PCDHGA2: variants seen among roughly 807,000 people sequenced by gnomAD.
PCDHGA2 encodes the protein protocadherin gamma subfamily A, 2, also known as protocadherin gamma-A2.
PCDHGA2 carries 40 observed loss-of-function variants against 59.2 expected under a neutral mutation model. The observed-to-expected ratio is 0.68, with a 90% confidence interval of 0.52 to 0.88. PCDHGA2 has a LOEUF of 0.88. Among genes scored for constraint, PCDHGA2 ranks in the 40% least tolerant of loss-of-function variants. The probability of loss-of-function intolerance (pLI) is 0.00; values close to 1 mark genes in which losing one functional copy is unlikely to be tolerated. For missense variants in PCDHGA2, 1,226 were observed against 1,204.0 expected, an observed-to-expected ratio of 1.02 and a Z score of -0.27; for synonymous variants, 560 against 526.0, an observed-to-expected ratio of 1.06 and a Z score of -0.89.
At chr5:141,430,811 A>G (rs1193066300) in intron 1 of PCDHGA2, 1 of 1,527,400 alleles carries the variant, frequency 6.5e-7, no homozygotes. Flanking sequence ...CCTGCTGGGA[A>G]TCCTCCTGGG....
At chr5:141,375,102 T>C (rs1185155280) in intron 1 of PCDHGA2, 3 of 1,613,868 alleles carry the variant, frequency 1.9e-6, no homozygotes, top group Non-Finnish European at 2.5e-6. Flanking sequence ...ATCTTGGATG[T>C]CAATGATAAT....
chr5:141,495,069 T>G (rs1179878936), intron 2 of PCDHGA2, among the ~76,000 whole-genome samples: 1 of 152,142 alleles, frequency 6.6e-6, no homozygotes, highest in African/African-American at 2.4e-5. Flanking sequence ...GGAAGCTCAA[T>G]TCACATGCTT....
intron 1 of PCDHGA2, chr5:141,344,236 C>T (rs1391043443): frequency 1.2e-6 from 2 of 1,613,924 alleles, no homozygotes; most frequent in African/African-American, 1.3e-5. Context: ...CGCATCGTCT[C>T]CAGAGGTAGG....
chr5:141,366,178 CTT>C lies in PCDHGA2; in HGVS notation c.2424+24785_2424+24786del, dbSNP rs35325687. On this transcript the variant is annotated intron_variant, in intron 1 of 3. Coordinates refer to ENST00000394576, the MANE Select transcript of PCDHGA2 (RefSeq NM_018915.4). Reference sequence around the variant, plus strand: ...TGCTTAAGGCCAGCGAGCCAGGACTCTTTGCGGTTGGGCTGCACACGGGCGAG... The same window carrying C: ...TGCTTAAGGCCAGCGAGCCAGGACTCTGCGGTTGGGCTGCACACGGGCGAG... The C allele has an allele frequency of 1.5e-5, 24 of 1,613,926 alleles. No homozygotes were observed. In the Admixed American group the frequency reaches 3.5e-4, roughly 24 times the overall value.
chr5:141,383,204 G>A lies in PCDHGA2; in HGVS notation c.2424+41809G>A, dbSNP rs372087170. 3 of 1,613,922 alleles carry A rather than the reference G, an allele frequency of 1.9e-6. No individual in the cohort carries two copies. In the African/African-American group the frequency reaches 4.0e-5, roughly 22 times the overall value. On this transcript the variant is annotated intron_variant, in intron 1 of 3. Coordinates refer to ENST00000394576, the MANE Select transcript of PCDHGA2 (RefSeq NM_018915.4). ...GAGATCTGCGCTCAGAGTGCGCGGTGTCTGGTAAACTTTAACATCCTGATG... is the reference window on the plus strand; with the variant it reads ...GAGATCTGCGCTCAGAGTGCGCGGTATCTGGTAAACTTTAACATCCTGATG...
intron 1 of PCDHGA2, chr5:141,350,678 T>C: frequency 6.2e-7 from 1 of 1,613,918 alleles, no homozygotes; most frequent in East Asian, 2.2e-5. Flanking sequence ...CTTAGAAATT[T>C]GTGAGTCAGC....
At position 141,511,313 on chromosome 5, in the gene PCDHGA2, CAGAA is replaced by C; in HGVS notation, c.*142_*145del. The C allele has an allele frequency of 2.0e-6, 3 of 1,482,944 alleles. No homozygotes were observed. In the South Asian group the frequency reaches 4.1e-5, roughly 20 times the overall value. 91.9% of individuals were successfully genotyped at this position (1,482,944 alleles called of 1,614,324 possible). ...CCAAGGCCATGCTCCCCTTGGGAAA[CAGAA>C]ACAAGTGCCCAGTCAGCACCTACCC... On this transcript the variant is annotated 3_prime_UTR_variant, in exon 4 of 4. Transcript: ENST00000394576.
chr5:141,460,656 ACTGTAAACACAGT>A (rs2098994793), intron 1 of PCDHGA2, among the ~76,000 whole-genome samples: 1 of 152,086 alleles, frequency 6.6e-6, no homozygotes, highest in Admixed American at 6.6e-5. Flanking sequence ...CACATATGTA[ACTGTAAACACAGT>A]TATATATCTA....
intron 2 of PCDHGA2, among the ~76,000 whole-genome samples, chr5:141,503,568 C>T (rs1357099545): frequency 6.9e-6 from 1 of 144,390 alleles, no homozygotes; most frequent in Non-Finnish European, 1.5e-5. Context: ...CACTGTACTC[C>T]AGCCTGGGTG....
chr5:141,355,623 A>T, intron 1 of PCDHGA2: 1 of 1,613,994 alleles, frequency 6.2e-7, no homozygotes. Context: ...GGGAAATAAA[A>T]GTTGCTGAAA....
chr5:141,464,913 A>AT (rs1366203949), intron 1 of PCDHGA2, among the ~76,000 whole-genome samples: 2 of 151,546 alleles, frequency 1.3e-5, no homozygotes, highest in South Asian at 4.2e-4. Flanking sequence ...TAATTTTTTT[A>AT]TTTTTTTGTA....
intron 1 of PCDHGA2, among the ~76,000 whole-genome samples, chr5:141,452,094 G>A (rs760924457): frequency 6.6e-6 from 1 of 152,162 alleles, no homozygotes; most frequent in South Asian, 2.1e-4. Context: ...CAGTAAGAAA[G>A]AGCTTTCTTT....
Position 141,476,021 on chromosome 5 carries a change from C to T in PCDHGA2, c.2425-18786C>T. The T allele has an allele frequency of 7.1e-7, 1 of 1,400,498 alleles. No individual in the cohort carries two copies. The highest frequency in any genetic ancestry group is 1.4e-5 in the South Asian group (1 of 71,458). 86.8% of individuals were successfully genotyped at this position (1,400,498 alleles called of 1,614,324 possible). A position where few individuals can be genotyped will look rare whatever the true frequency, so the allele number is the denominator to read the frequency against. ...GGCATCCAGAAAGCCATGTCGGACT[C>T]GGCGCCCAGCGCCCAAGCGCTAACC... On this transcript the variant is annotated intron_variant, in intron 1 of 3. Coordinates refer to ENST00000394576, the MANE Select transcript of PCDHGA2 (RefSeq NM_018915.4). This position sits in a 1 kb window ranked among gnomAD's most constrained non-coding sequence, Gnocchi z 7.6.
At chr5:141,481,812 C>T (rs2099545604) in intron 1 of PCDHGA2, among the ~76,000 whole-genome samples, 2 of 149,798 alleles carry the variant, frequency 1.3e-5, no homozygotes, top group South Asian at 2.1e-4. Context: ...ATTCACCAGG[C>T]GTGGTGGCTG....
At chr5:141,385,152 G>C in intron 1 of PCDHGA2, 1 of 1,614,210 alleles carries the variant, frequency 6.2e-7, no homozygotes, top group Non-Finnish European at 8.5e-7. Flanking sequence ...CTTTCCTGCA[G>C]ACCTATTCCC....
At chr5:141,346,244 C>T (rs375085778) in intron 1 of PCDHGA2, 25 of 1,614,098 alleles carry the variant, frequency 1.5e-5, no homozygotes, top group Non-Finnish European at 2.0e-5. Flanking sequence ...GTACGCCCGG[C>T]TCGCACTTTG....
Position 141,487,278 on chromosome 5 carries a change from T to G in PCDHGA2, c.2425-7529T>G. 6 of 1,614,180 alleles carry G rather than the reference T, an allele frequency of 3.7e-6. No individual in the cohort carries two copies. Among genetic ancestry groups the G allele is most frequent in the Non-Finnish European group, 5.1e-6 (6 of 1,180,040 alleles). On this transcript the variant is annotated intron_variant, in intron 1 of 3. Coordinates refer to ENST00000394576, the MANE Select transcript of PCDHGA2 (RefSeq NM_018915.4). The surrounding 1 kb of genome is among the most constrained non-coding windows in gnomAD (Gnocchi z 5.0). Reference sequence around the variant, plus strand: ...GCTGTGTCCCTAGTGGCAATTTGCTTTGTCTCCTTTGGCTCATTCGTGGCA... The same window carrying G: ...GCTGTGTCCCTAGTGGCAATTTGCTGTGTCTCCTTTGGCTCATTCGTGGCA...
At chr5:141,504,381 T>C (rs1039838477) in intron 2 of PCDHGA2, among the ~76,000 whole-genome samples, 4 of 152,130 alleles carry the variant, frequency 2.6e-5, no homozygotes, top group Non-Finnish European at 5.9e-5. Context: ...GTGGAGTCGC[T>C]GCCTCACAGA....
Position 141,477,365 on chromosome 5 carries a change from C to T in PCDHGA2, c.2425-17442C>T, listed in dbSNP as rs754438240. On this transcript the variant is annotated intron_variant, in intron 1 of 3. Transcript: ENST00000394576. The surrounding 1 kb of genome is among the most constrained non-coding windows in gnomAD (Gnocchi z 4.9). ...TTTGAAAACCAGTGCAGACCTGGAT[C>T]GGGAGACTGTGCCAGAATACAACCT... The T allele has an allele frequency of 6.2e-7, 1 of 1,614,156 alleles. No homozygotes were observed. The highest frequency in any genetic ancestry group is 1.7e-5 in the Admixed American group (1 of 60,022).
Sources: allele counts gnomAD v4.1 joint callset (sites outside exome capture counted in the v4.1 genomes callset), GRCh38; gene constraint gnomAD v4.1.1; non-coding constraint Gnocchi (gnomAD v3.1); transcripts MANE v1.5; gene names NCBI Gene and HGNC (gene_info 2026-07-23, HGNC 2026-07-21).